Variants in HYCC1 observed in about 807,000 individuals in gnomAD.
The protein encoded by HYCC1 is hyccin PI4KA lipid kinase complex subunit 1.
the HYCC1 span, among the ~76,000 whole-genome samples, chr7:22,974,009 A>G: frequency 6.6e-6 from 1 of 152,172 alleles, no homozygotes; most frequent in Non-Finnish European, 1.5e-5. Context: ...ATATACATAT[A>G]TAGGCATTCC....
At chr7:22,951,681 T>C in the HYCC1 span, among the ~76,000 whole-genome samples, 2 of 151,892 alleles carry the variant, frequency 1.3e-5, no homozygotes, top group East Asian at 1.9e-4. Flanking sequence ...GTGTTATTTA[T>C]AATAGCAAAA....
At chr7:22,904,288 G>A in the HYCC1 span, among the ~76,000 whole-genome samples, 6 of 151,830 alleles carry the variant, frequency 4.0e-5, no homozygotes, top group Admixed American at 6.6e-5. Flanking sequence ...AAACTTAGCC[G>A]GGCGTGGTGG....
At chr7:22,946,902 C>T in the HYCC1 span, 4 of 1,472,008 alleles carry the variant, frequency 2.7e-6, no homozygotes, top group East Asian at 2.5e-5. Context: ...ATTTTTGTGA[C>T]TGTGCAACTG....
chr7:22,898,347 A>G, the HYCC1 span, among the ~76,000 whole-genome samples: 47 of 150,384 alleles, frequency 3.1e-4, no homozygotes, highest in Admixed American at 1.4e-3. Context: ...CTGAGTAGCT[A>G]GGATTACAGG....
chr7:22,963,811 C>T, the HYCC1 span, among the ~76,000 whole-genome samples: 2 of 152,132 alleles, frequency 1.3e-5, no homozygotes, highest in African/African-American at 4.8e-5. Context: ...TTTATAAATT[C>T]TGTCTTCAAA....
At chr7:22,925,829 G>A in the HYCC1 span, among the ~76,000 whole-genome samples, 1 of 152,134 alleles carries the variant, frequency 6.6e-6, no homozygotes. Context: ...GAAATACAGA[G>A]AATGCTACAA....
At chr7:22,896,381 A>G in the HYCC1 span, among the ~76,000 whole-genome samples, 3 of 152,340 alleles carry the variant, frequency 2.0e-5, no homozygotes, top group East Asian at 5.8e-4. Context: ...TCCTAAATTA[A>G]TTCACTCAGA....
the HYCC1 span, among the ~76,000 whole-genome samples, chr7:23,005,802 T>C: frequency 6.6e-6 from 1 of 152,206 alleles, no homozygotes; most frequent in African/African-American, 2.4e-5. Flanking sequence ...CATGTAACCA[T>C]TCTTCCAATT....
chr7:22,944,512 G>A, the HYCC1 span: 14 of 151,914 alleles, frequency 9.2e-5, no homozygotes, highest in African/African-American at 3.4e-4. Context: ...CTTTTTCTTC[G>A]TGTTTTAAAT....
At chr7:22,999,691 T>C in the HYCC1 span, among the ~76,000 whole-genome samples, 1 of 152,148 alleles carries the variant, frequency 6.6e-6, no homozygotes, top group South Asian at 2.1e-4. Flanking sequence ...AATACTAGTA[T>C]ATGTTCAAAT....
chr7:22,980,961 G>A, the HYCC1 span, among the ~76,000 whole-genome samples: 2 of 152,054 alleles, frequency 1.3e-5, no homozygotes, highest in African/African-American at 2.4e-5. Context: ...ATCACATATC[G>A]CAGGGCCTTT....
chr7:22,940,944 T>C, the HYCC1 span: 1 of 152,090 alleles, frequency 6.6e-6, no homozygotes, highest in East Asian at 1.9e-4. Flanking sequence ...ATAAAGATTC[T>C]AAAGTTAGAA....
At chr7:22,947,317 AAG>A in the HYCC1 span, 15 of 1,324,462 alleles carry the variant, frequency 1.1e-5, no homozygotes, top group Middle Eastern at 2.5e-3. Context: ...AGAAAAGCAA[AAG>A]ACTCAAAACA....
the HYCC1 span, among the ~76,000 whole-genome samples, chr7:22,916,094 A>G: frequency 2.0e-5 from 3 of 152,098 alleles, no homozygotes; most frequent in Middle Eastern, 3.2e-3. Flanking sequence ...CTCAATGCCA[A>G]TATCCCATCC....
the HYCC1 span, chr7:22,945,798 AT>A: frequency 6.2e-7 from 1 of 1,613,790 alleles, no homozygotes; most frequent in Non-Finnish European, 8.5e-7. Flanking sequence ...TGTTCAAAGG[AT>A]TTACTAAATA....
At chr7:22,923,994 T>C in the HYCC1 span, among the ~76,000 whole-genome samples, 2 of 36,762 alleles carry the variant, frequency 5.4e-5, no homozygotes, top group African/African-American at 2.0e-4. Flanking sequence ...CTGACTTTAA[T>C]GAAAAAAAAA....
the HYCC1 span, among the ~76,000 whole-genome samples, chr7:22,998,960 T>C: frequency 6.6e-6 from 1 of 152,194 alleles, no homozygotes; most frequent in South Asian, 2.1e-4. Context: ...TTCTCTTCTC[T>C]ACCTTCCTTT....
chr7:22,978,591 C>T, the HYCC1 span: 2 of 694,392 alleles, frequency 2.9e-6, no homozygotes, highest in Admixed American at 2.5e-5. Context: ...GGAGTTTCTT[C>T]CTAAAATATC....
At chr7:22,960,969 T>G in the HYCC1 span, among the ~76,000 whole-genome samples, 34 of 152,222 alleles carry the variant, frequency 2.2e-4, no homozygotes, top group Admixed American at 6.5e-5. Context: ...GAAAATCGCT[T>G]GAACCCAGGA....
Sources: allele counts gnomAD v4.1 joint callset (sites outside exome capture counted in the v4.1 genomes callset), GRCh38; gene constraint gnomAD v4.1.1; transcripts MANE v1.5; gene names NCBI Gene and HGNC (gene_info 2026-07-23, HGNC 2026-07-21).